The following CHN2 variants were observed in gnomAD, a reference collection of about 807,000 sequenced individuals.
The protein encoded by CHN2 is chimerin 2.
In CHN2, 35 loss-of-function variants were observed where a neutral mutation model predicts 56.3. That is an observed-to-expected ratio of 0.62 (90% confidence interval 0.47 to 0.82). The LOEUF is 0.82. Ranked by LOEUF, CHN2 falls within the 40% of genes least tolerant of loss-of-function variation. The pLI, the probability that CHN2 is intolerant of heterozygous loss-of-function variation, is 0.00. For synonymous variants in CHN2, 210 were observed against 212.8 expected (o/e 0.99, Z 0.12); for missense variants, 491 against 580.5 (o/e 0.85, Z 1.58).
At chr7:29,376,731 A>C (rs938270552) in intron 3 of CHN2, among the ~76,000 whole-genome samples, 1 of 152,194 alleles carries the variant, frequency 6.6e-6, no homozygotes, top group Non-Finnish European at 1.5e-5. Context: ...CACGGATTTC[A>C]GTGTAGGCAC....
chr7:29,378,969 A>G (rs1395830040), intron 3 of CHN2, among the ~76,000 whole-genome samples: 1 of 152,248 alleles, frequency 6.6e-6, no homozygotes, highest in African/African-American at 2.4e-5. Context: ...GTCTCGAAAG[A>G]AAGAAAAAGA....
In CHN2 at chr7:29,325,157, C is replaced by T. The variant is rs1017142137; in HGVS notation, c.50-29468C>T. The stretch of plus-strand genomic sequence containing the variant: ...CTGTACCTTTGAGAATTCTCCCTTT[C>T]TCCCTTTTAAAAATTGTAGGCATTT... On this transcript the variant is annotated intron_variant, in intron 1 of 12. Transcript: ENST00000222792. Among the ~76,000 whole-genome samples, 8 of 152,312 alleles carry T rather than the reference C, an allele frequency of 5.3e-5. No homozygotes were observed. In the South Asian group the frequency reaches 6.2e-4, roughly 12 times the overall value.
chr7:29,409,730 A>G (rs958505441), intron 6 of CHN2, among the ~76,000 whole-genome samples: 2 of 152,228 alleles, frequency 1.3e-5, no homozygotes, highest in Admixed American at 6.5e-5. Context: ...ACAGAAGGCA[A>G]TTACTGTAAT....
chr7:29,465,408 A>G (rs1785480324), intron 6 of CHN2, among the ~76,000 whole-genome samples: 1 of 152,226 alleles, frequency 6.6e-6, no homozygotes, highest in Admixed American at 6.5e-5. Flanking sequence ...GCACACACCT[A>G]TATAAAATGG....
rs1487972246 is a variant in CHN2 at position 29,351,122 on chromosome 7, A to AT, written c.50-3503_50-3502insT. ...GACTCCATCTCAAAAAAAAAAAAAA[A>AT]AAAAAAAATTCCCACAGTGCCCCTA... On this transcript the variant is annotated intron_variant, in intron 1 of 12. Coordinates refer to ENST00000222792, the MANE Select transcript of CHN2 (RefSeq NM_004067.4). Among the ~76,000 whole-genome samples the AT allele has an allele frequency of 9.8e-3, 1,491 of 151,728 alleles. 30 individuals are homozygous for AT. Among genetic ancestry groups the AT allele is most frequent in the African/African-American group, 0.035 (1,442 of 41,264 alleles).
At chr7:29,250,165 G>T (rs1023287444) in intron 1 of CHN2, among the ~76,000 whole-genome samples, 1 of 152,138 alleles carries the variant, frequency 6.6e-6, no homozygotes, top group Non-Finnish European at 1.5e-5. Flanking sequence ...GCACTCCCTG[G>T]GATGAAAGAA....
chr7:29,294,985 C>T (rs1229587940), intron 1 of CHN2, among the ~76,000 whole-genome samples: 2 of 152,114 alleles, frequency 1.3e-5, no homozygotes, highest in Non-Finnish European at 2.9e-5. Flanking sequence ...AGGATTGGTT[C>T]CCTGGACCCC....
At chr7:29,457,063 A>G (rs1056893453) in intron 6 of CHN2, among the ~76,000 whole-genome samples, 2 of 152,174 alleles carry the variant, frequency 1.3e-5, no homozygotes, top group African/African-American at 4.8e-5. Context: ...AATATTTTTA[A>G]TGCTAGTCAT....
intron 6 of CHN2, among the ~76,000 whole-genome samples, chr7:29,437,618 T>C (rs1247946517): frequency 3.4e-5 from 5 of 146,670 alleles, no homozygotes; most frequent in Non-Finnish European, 7.5e-5. Flanking sequence ...AAAAAAGATA[T>C]CTAAAACCAT....
intron 3 of CHN2, among the ~76,000 whole-genome samples, chr7:29,371,353 G>C (rs10252665): frequency 0.03 from 4,544 of 152,270 alleles, 238 homozygotes; most frequent in African/African-American, 0.1. Context: ...GGATCAGGTC[G>C]TGAAATAACA....
chr7:29,223,899 C>G (rs78230680), intron 1 of CHN2, among the ~76,000 whole-genome samples: 1,932 of 152,170 alleles, frequency 0.013, 21 homozygotes, highest in Non-Finnish European at 0.019. Flanking sequence ...ATTTTAGTTG[C>G]GATGTATTGA....
At chr7:29,338,517 CCT>C (rs1414216858) in intron 1 of CHN2, among the ~76,000 whole-genome samples, 21 of 152,242 alleles carry the variant, frequency 1.4e-4, no homozygotes, top group African/African-American at 4.3e-4. Context: ...CCTCACTATT[CCT>C]CTGTTTATTT....
At chr7:29,346,671 A>G (rs1360343260) in intron 1 of CHN2, among the ~76,000 whole-genome samples, 17 of 152,150 alleles carry the variant, frequency 1.1e-4, no homozygotes, top group Admixed American at 1.1e-3. Context: ...CTCATTCTCT[A>G]CATCGGTGAA....
At chr7:29,271,651 G>A (rs766019924) in intron 1 of CHN2, among the ~76,000 whole-genome samples, 108 of 152,322 alleles carry the variant, frequency 7.1e-4, no homozygotes, top group Non-Finnish European at 2.1e-4. Flanking sequence ...GTGACTTCTT[G>A]TGCAGAATCG....
At chr7:29,368,929 A>G (rs1372845457) in intron 3 of CHN2, among the ~76,000 whole-genome samples, 1 of 152,164 alleles carries the variant, frequency 6.6e-6, no homozygotes, top group Non-Finnish European at 1.5e-5. Flanking sequence ...GTGGCTGGAG[A>G]GGAGGAAATA....
At chr7:29,179,253 T>TG (rs1797765926) in intron 2 of CHN2, among the ~76,000 whole-genome samples, 1 of 152,120 alleles carries the variant, frequency 6.6e-6, no homozygotes, top group Non-Finnish European at 1.5e-5. Flanking sequence ...TGCATGAGAG[T>TG]GGGCATGGGA....
chr7:29,504,918 C>A, intron 10 of CHN2, 97 bp downstream of exon 10: 2 of 802,274 alleles, frequency 2.5e-6, no homozygotes, highest in Non-Finnish European at 4.1e-6. Flanking sequence ...TTCAGAACTA[C>A]TAAGAGTTGT....
rs188804107 is a variant in CHN2 at position 29,382,772 on chromosome 7, T to A, written c.145-10907T>A. ...ATGGCAGCATTTCAGCTCTTACTTT[T>A]AAATTAAATCAGTGAGATTTTGCCA... On this transcript the variant is annotated intron_variant, in intron 3 of 12. Transcript: ENST00000222792. Among the ~76,000 whole-genome samples the A allele has an allele frequency of 5.9e-5, 9 of 152,332 alleles. No individual in the cohort carries two copies. In the East Asian group the frequency reaches 1.5e-3, roughly 26 times the overall value.
intron 3 of CHN2, among the ~76,000 whole-genome samples, chr7:29,380,121 T>C (rs1463927431): frequency 6.6e-6 from 1 of 152,230 alleles, no homozygotes; most frequent in Admixed American, 6.5e-5. Flanking sequence ...TTAATCACTC[T>C]GAACTGCAGC....
Sources: allele counts gnomAD v4.1 joint callset (sites outside exome capture counted in the v4.1 genomes callset), GRCh38; gene constraint gnomAD v4.1.1; transcripts MANE v1.5; gene names NCBI Gene and HGNC (gene_info 2026-07-23, HGNC 2026-07-21).